PDE1C: variants seen among roughly 807,000 people sequenced by gnomAD.
The protein encoded by PDE1C is dual specificity calcium/calmodulin-dependent 3',5'-cyclic nucleotide phosphodiesterase 1C.
A neutral mutation model predicts 93.1 loss-of-function variants in PDE1C; 62 were observed. The observed-to-expected ratio is 0.67, with a 90% confidence interval of 0.54 to 0.82. The LOEUF (loss-of-function observed/expected upper bound fraction) is 0.82, where lower values mean the gene tolerates loss of function less well. Ranked by LOEUF, PDE1C falls within the 40% of genes least tolerant of loss-of-function variation. PDE1C has a pLI of 0.00. For synonymous variants in PDE1C, 325 were observed against 310.1 expected, an observed-to-expected ratio of 1.05 and a Z score of -0.50; for missense variants, 742 against 884.6, an observed-to-expected ratio of 0.84 and a Z score of 2.04.
chr7:31,743,817 T>C, the PDE1C span, among the ~76,000 whole-genome samples: 13 of 152,184 alleles, frequency 8.5e-5, no homozygotes, highest in South Asian at 2.1e-4. Flanking sequence ...AGTAATTTAA[T>C]TGGAGCCCAG....
At chr7:31,943,617 G>A (rs1267365192) in intron 2 of PDE1C, among the ~76,000 whole-genome samples, 6 of 152,080 alleles carry the variant, frequency 3.9e-5, no homozygotes, top group African/African-American at 9.7e-5. Context: ...TCAATGACCA[G>A]GAGTATAAAC....
intron 16 of PDE1C, among the ~76,000 whole-genome samples, chr7:31,802,067 G>A (rs75651683): frequency 0.075 from 11,348 of 151,260 alleles, 636 homozygotes; most frequent in African/African-American, 0.15. Context: ...TATATTTAAC[G>A]TGATAACTGA....
At chr7:31,730,399 C>G in the PDE1C span, among the ~76,000 whole-genome samples, 1 of 152,154 alleles carries the variant, frequency 6.6e-6, no homozygotes, top group Non-Finnish European at 1.5e-5. Flanking sequence ...CACCTCAGGG[C>G]CACTCGTGCT....
chr7:31,918,205 C>T (rs1246309996), intron 2 of PDE1C, among the ~76,000 whole-genome samples: 1 of 152,126 alleles, frequency 6.6e-6, no homozygotes, highest in East Asian at 1.9e-4. Context: ...TCCCACCTCA[C>T]CTGTAGTTTC....
At chr7:32,041,391 T>C (rs1004468511) in intron 2 of PDE1C, among the ~76,000 whole-genome samples, 8 of 152,140 alleles carry the variant, frequency 5.3e-5, no homozygotes, top group African/African-American at 1.9e-4. Context: ...CATCTTGCCA[T>C]ACTCCCTCCA....
At chr7:31,983,257 T>A (rs1382176828) in intron 2 of PDE1C, among the ~76,000 whole-genome samples, 2 of 152,164 alleles carry the variant, frequency 1.3e-5, no homozygotes, top group African/African-American at 2.4e-5. Flanking sequence ...TACACACTCC[T>A]TAGTGAACTC....
At chr7:31,747,804 G>A (rs1548826), downstream of PDE1C, among the ~76,000 whole-genome samples, 138,336 of 149,250 alleles carry the variant, frequency 0.93, 64,608 homozygotes, top group East Asian at 1. Flanking sequence ...TGGTCACAGG[G>A]TCAGTTGAGT....
At chr7:31,775,505 C>A (rs1227751192) in intron 17 of PDE1C, among the ~76,000 whole-genome samples, 159 bp downstream of exon 17, 1 of 152,156 alleles carries the variant, frequency 6.6e-6, no homozygotes, top group Admixed American at 6.5e-5. Context: ...CCTAGAGGGG[C>A]CTCACAAATG....
chr7:32,075,701 G>A (rs1759116056), upstream of PDE1C, among the ~76,000 whole-genome samples: 2 of 152,132 alleles, frequency 1.3e-5, no homozygotes, highest in Non-Finnish European at 2.9e-5. Flanking sequence ...ACATTACCAA[G>A]TAGTGGCCCA....
At chr7:31,705,501 A>T in the PDE1C span, among the ~76,000 whole-genome samples, 1 of 152,234 alleles carries the variant, frequency 6.6e-6, no homozygotes, top group Non-Finnish European at 1.5e-5. Context: ...TTTATGCAAA[A>T]GCTGTAGTTT....
At chr7:32,182,228 G>A (rs750689746) in intron 2 of PDE1C, among the ~76,000 whole-genome samples, 2 of 152,172 alleles carry the variant, frequency 1.3e-5, no homozygotes, top group Non-Finnish European at 2.9e-5. Context: ...GGTACAAGGA[G>A]GAGCTGGTAC....
intron 2 of PDE1C, among the ~76,000 whole-genome samples, chr7:31,967,480 C>T (rs971068113): frequency 5.3e-5 from 8 of 152,284 alleles, no homozygotes; most frequent in Admixed American, 2.0e-4. Flanking sequence ...AGCTCACCAA[C>T]CAAAGAAAGT....
At chr7:31,688,335 T>C in the PDE1C span, among the ~76,000 whole-genome samples, 1 of 152,224 alleles carries the variant, frequency 6.6e-6, no homozygotes. Context: ...TTATATTGAC[T>C]CACAGCATCC....
At chr7:31,655,968 A>T in the PDE1C span, 4 of 985,258 alleles carry the variant, frequency 4.1e-6, no homozygotes, top group Non-Finnish European at 3.6e-6. Context: ...CTCCAATTCT[A>T]TTCCCCTAAA....
At chr7:32,196,232 G>A (rs1348179312) in intron 2 of PDE1C, among the ~76,000 whole-genome samples, 2 of 152,156 alleles carry the variant, frequency 1.3e-5, no homozygotes, top group Non-Finnish European at 2.9e-5. Flanking sequence ...AGGTTTCCCA[G>A]CAAGCCTTTT....
intron 2 of PDE1C, among the ~76,000 whole-genome samples, chr7:31,908,102 A>G (rs960791671): frequency 1.3e-5 from 2 of 152,194 alleles, no homozygotes; most frequent in African/African-American, 4.8e-5. Context: ...AAAGCTTGAC[A>G]AAAGTGACAT....
At chr7:31,762,922 T>C (rs1487112048) in intron 17 of PDE1C, among the ~76,000 whole-genome samples, 1 of 152,172 alleles carries the variant, frequency 6.6e-6, no homozygotes, top group African/African-American at 2.4e-5. Context: ...TTTTGCTACC[T>C]TCCATGCAAC....
At position 32,292,176 on chromosome 7, in the gene PDE1C, T is replaced by TA. The variant is rs551631332; in HGVS notation, c.85+6474dup. Reference sequence around the variant, plus strand: ...TTGCTTTTGTGGTTCCCTTCCTCCATAAAAAAATAATTTTTAAAAATTTAA... The same window carrying TA: ...TTGCTTTTGTGGTTCCCTTCCTCCATAAAAAAAATAATTTTTAAAAATTTAA... On this transcript the variant is annotated intron_variant, in intron 1 of 18. Transcript: ENST00000396193. Among the ~76,000 whole-genome samples, 597 of 152,154 alleles carry TA rather than the reference T, an allele frequency of 3.9e-3. 2 individuals carry two copies. The highest frequency in any genetic ancestry group is 0.038 in the Middle Eastern group (11 of 292).
the PDE1C span, among the ~76,000 whole-genome samples, chr7:31,642,485 CT>C: frequency 2.6e-5 from 4 of 152,306 alleles, no homozygotes; most frequent in East Asian, 7.7e-4. Flanking sequence ...CCTTCCTTTC[CT>C]TTTGACTTTT....
Sources: allele counts gnomAD v4.1 joint callset (sites outside exome capture counted in the v4.1 genomes callset), GRCh38; gene constraint gnomAD v4.1.1; transcripts MANE v1.5; gene names NCBI Gene and HGNC (gene_info 2026-07-23, HGNC 2026-07-21).